ANKHD1: variants seen among roughly 807,000 people sequenced by gnomAD.
ANKHD1 encodes ankyrin repeat and KH domain-containing protein 1.
Under a neutral mutation model 230.5 loss-of-function variants are expected in ANKHD1, and 31 were observed. The ratio of observed to expected loss-of-function variants is 0.13; its 90% CI spans 0.10 to 0.18. The LOEUF (loss-of-function observed/expected upper bound fraction) is 0.18. Ranked by LOEUF, ANKHD1 falls within the 10% of genes least tolerant of loss-of-function variation. The pLI is 1.00. For synonymous variants in ANKHD1, 1,074 were observed against 1,117.6 expected, an observed-to-expected ratio of 0.96 and a Z score of 0.78; for missense variants, 2,256 against 3,071.3, an observed-to-expected ratio of 0.73 and a Z score of 6.27.
chr5:140,515,313 C>T (rs1296350564), intron 24 of ANKHD1, among the ~76,000 whole-genome samples: 1 of 151,824 alleles, frequency 6.6e-6, no homozygotes, highest in Non-Finnish European at 1.5e-5. Context: ...TACCAAATGA[C>T]ATCATTACTG....
chr5:140,531,545 C>T (rs1224711822), intron 29 of ANKHD1, among the ~76,000 whole-genome samples: 1 of 151,502 alleles, frequency 6.6e-6, no homozygotes, highest in African/African-American at 2.4e-5. Flanking sequence ...CATGCCACAG[C>T]ACTCCAAGCC....
At position 140,415,728 on chromosome 5, in the gene ANKHD1, G is replaced by A. The variant is rs559093653; in HGVS notation, c.306+13455G>A. On this transcript the variant is annotated intron_variant, in intron 1 of 33. Coordinates refer to ENST00000360839, the MANE Select transcript of ANKHD1 (RefSeq NM_017747.3). ...GCTGGGATTACAGGCCTCAGCCACC[G>A]CACCCAGCCGCCTTTGATACATTTT... 2.0e-3 allele frequency among the ~76,000 whole-genome samples: 301 copies of A among 151,694 alleles called. 8 individuals carry two copies. Among genetic ancestry groups the A allele is most frequent in the Admixed American group, 2.5e-3 (38 of 15,238 alleles).
At chr5:140,439,164 T>C (rs1311147356) in intron 3 of ANKHD1, among the ~76,000 whole-genome samples, 1 of 152,150 alleles carries the variant, frequency 6.6e-6, no homozygotes, top group East Asian at 1.9e-4. Flanking sequence ...GTGGTCTAGT[T>C]AGTCATTCTG....
chr5:140,435,277 T>TTTGTTGTTG (rs547185638), intron 1 of ANKHD1, among the ~76,000 whole-genome samples: 1 of 151,574 alleles, frequency 6.6e-6, no homozygotes, highest in Non-Finnish European at 1.5e-5. Context: ...TGCTATCAAG[T>TTTGTTGTTG]TTGTTGTTGT....
chr5:140,441,149 A>C lies in ANKHD1; in HGVS notation c.913+7A>C, dbSNP rs199675809. On this transcript the variant is annotated splice_region_variant and intron_variant, in intron 5 of 33. Transcript: ENST00000360839. ...AACTCCCAGTCTGCAACAGGTATGTAGAAAATGATGTATTAATTGGGAGAA... is the reference window on the plus strand; with the variant it reads ...AACTCCCAGTCTGCAACAGGTATGTCGAAAATGATGTATTAATTGGGAGAA... 3 of 1,561,900 alleles carry C rather than the reference A, an allele frequency of 1.9e-6. No homozygotes were observed. The East Asian group carries it at 7.2e-5, about 37-fold the overall frequency.
chr5:140,510,813 G>A (rs1023404687), intron 22 of ANKHD1, among the ~76,000 whole-genome samples: 2 of 151,538 alleles, frequency 1.3e-5, no homozygotes, highest in Non-Finnish European at 2.9e-5. Flanking sequence ...TGTATCTTCT[G>A]TGTGCGTGTG....
intron 24 of ANKHD1, among the ~76,000 whole-genome samples, chr5:140,523,533 AT>A (rs1475485980): frequency 1.3e-4 from 20 of 150,930 alleles, no homozygotes; most frequent in Middle Eastern, 3.5e-3. Context: ...ATTTGCAAAA[AT>A]ATTTTTCCCA....
At position 140,496,467 on chromosome 5, in the gene ANKHD1, T is replaced by C. The variant is rs777373117; in HGVS notation, c.2246-53T>C. On this transcript the variant is annotated intron_variant, in intron 14 of 33. Transcript: ENST00000360839. ...TCTTTTTTTTTTTTCTTTTCTTTTT[T>C]TTTTTTTTTTTTTTTAGCATGGCAC... 936 of 1,048,072 alleles carry C rather than the reference T, an allele frequency of 8.9e-4. 2 individuals are homozygous for C. Among genetic ancestry groups the C allele is most frequent in the Non-Finnish European group, 7.1e-4 (594 of 838,690 alleles). 64.9% of individuals were successfully genotyped at this position (1,048,072 alleles called of 1,614,324 possible). A position where few individuals can be genotyped will look rare whatever the true frequency, so the allele number is the denominator to read the frequency against.
At chr5:140,484,901 A>G in intron 11 of ANKHD1, 1 of 591,496 alleles carries the variant, frequency 1.7e-6, no homozygotes, top group Non-Finnish European at 2.4e-6. Flanking sequence ...GGAGCACAAG[A>G]TGGGGCTTTT....
chr5:140,508,335 T>C (rs1275553786), intron 20 of ANKHD1, among the ~76,000 whole-genome samples: 1 of 152,228 alleles, frequency 6.6e-6, no homozygotes, highest in Non-Finnish European at 1.5e-5. Context: ...ATGAGGTATG[T>C]GCTTATCATT....
intron 6 of ANKHD1, among the ~76,000 whole-genome samples, chr5:140,446,623 G>A (rs896813109): frequency 6.6e-5 from 10 of 152,118 alleles, no homozygotes; most frequent in African/African-American, 1.9e-4. Flanking sequence ...AGCCTCCCAA[G>A]CCTCCCAAAG....
chr5:140,535,788 G>A, intron 30 of ANKHD1: 1 of 313,694 alleles, frequency 3.2e-6, no homozygotes, highest in Non-Finnish European at 5.2e-6. Context: ...TGGGTGCAGT[G>A]GCTGACACCT....
At chr5:140,465,382 G>A (rs904226571) in intron 10 of ANKHD1, among the ~76,000 whole-genome samples, 1 of 151,962 alleles carries the variant, frequency 6.6e-6, no homozygotes, top group Non-Finnish European at 1.5e-5. Context: ...TTCAAATTAG[G>A]TGGCAGGTTC....
chr5:140,409,779 C>G (rs1040344345), intron 1 of ANKHD1, among the ~76,000 whole-genome samples: 3 of 151,980 alleles, frequency 2.0e-5, no homozygotes, highest in Non-Finnish European at 2.9e-5. Flanking sequence ...GTCTCGGTCT[C>G]CTGACCTTGT....
chr5:140,505,734 A>G lies in ANKHD1; in HGVS notation c.3273A>G (p.Pro1091=). ...IEHRDKKGFT[P]LILAATAGHV... is the part of the protein sequence containing the mutation. Reference sequence around the variant, plus strand: ...CATTTTCTGATTTAGGTTTCACACCACTAATCCTGGCAGCAACAGCAGGGC... The same window carrying G: ...CATTTTCTGATTTAGGTTTCACACCGCTAATCCTGGCAGCAACAGCAGGGC... Residue 1091 remains proline, a synonymous_variant, in exon 18 of 34, where the codon CCA becomes CCG. Coordinates refer to ENST00000360839, the MANE Select transcript of ANKHD1 (RefSeq NM_017747.3). The G allele has an allele frequency of 1.2e-6, 2 of 1,602,220 alleles. No individual in the cohort carries two copies. Among genetic ancestry groups the G allele is most frequent in the East Asian group, 2.2e-5 (1 of 44,764 alleles).
At chr5:140,516,197 C>T (rs1015761313) in intron 24 of ANKHD1, among the ~76,000 whole-genome samples, 3 of 151,780 alleles carry the variant, frequency 2.0e-5, no homozygotes, top group Non-Finnish European at 4.4e-5. Context: ...AGGGTATCAG[C>T]GATGGAAAAT....
chr5:140,531,364 T>C, intron 29 of ANKHD1: 2 of 393,120 alleles, frequency 5.1e-6, no homozygotes, highest in East Asian at 1.0e-4. Flanking sequence ...GTGGTTTACA[T>C]GAGGTCAGGA....
rs758504034 is a variant in ANKHD1 at position 140,446,021 on chromosome 5, TTTGA to T, written c.1147+49_1147+52del. 77 of 1,489,078 alleles carry T rather than the reference TTTGA, an allele frequency of 5.2e-5. No individual in the cohort carries two copies. In the African/African-American group the frequency reaches 1.0e-3, roughly 20 times the overall value. The allele number at this position is 1,489,078 out of a possible 1,614,324, so 92.2% of individuals were successfully genotyped here. ...TATTTATAATGTTTTTCGTAACCAC[TTTGA>T]TTATTTGAGTATTGAGTATTTGAGT... On this transcript the variant is annotated intron_variant, in intron 6 of 33. Transcript: ENST00000360839.
chr5:140,482,582 A>T lies in ANKHD1; in HGVS notation c.1785A>T (p.Glu595Asp), dbSNP rs762775936. The change falls in exon 11 of 34, where the codon GAA (glutamate) becomes GAT (aspartate). Residue 595 changes from glutamate (E) to aspartate (D), a missense_variant and splice_region_variant. By Grantham distance (45) the Glu-to-Asp change is conservative. Around this residue, in one of 13 missense-constraint regions of ANKHD1, gnomAD observed 179 missense variants for 261.8 expected, o/e 0.68. Transcript: ENST00000360839. ...DVLLQAGADL[E>D]HESEGGRTPL... ...TATTTTTTCCATTTCTTTAACAGGAACATGAATCTGAAGGTGGAAGAACAC... is the reference window on the plus strand; with the variant it reads ...TATTTTTTCCATTTCTTTAACAGGATCATGAATCTGAAGGTGGAAGAACAC... 4.3e-6 allele frequency: 7 copies of T among 1,612,404 alleles called. No homozygotes were observed. Among genetic ancestry groups the T allele is most frequent in the African/African-American group, 4.0e-5 (3 of 74,876 alleles).
Sources: allele counts gnomAD v4.1 joint callset (sites outside exome capture counted in the v4.1 genomes callset), GRCh38; gene constraint gnomAD v4.1.1; regional missense constraint gnomAD v4.1.1; transcripts MANE v1.5; gene names NCBI Gene and HGNC (gene_info 2026-07-23, HGNC 2026-07-21).